The following FNDC3A variants were observed in gnomAD, a reference collection of about 807,000 sequenced individuals.
FNDC3A encodes fibronectin type III domain containing 3A.
Under a neutral mutation model 148.9 loss-of-function variants are expected in FNDC3A, and 32 were observed. The ratio of observed to expected loss-of-function variants is 0.21; its 90% CI spans 0.16 to 0.29. FNDC3A has a LOEUF of 0.29. FNDC3A is among the 10% of genes least tolerant of loss of function. FNDC3A has a pLI of 1.00. For missense variants in FNDC3A, 1,191 were observed against 1,452.8 expected (o/e 0.82, Z 2.93); for synonymous variants, 472 against 473.6 (o/e 1.00, Z 0.04).
At chr13:49,058,176 C>T (rs1005071657) in intron 2 of FNDC3A, among the ~76,000 whole-genome samples, 1 of 152,046 alleles carries the variant, frequency 6.6e-6, no homozygotes, top group Non-Finnish European at 1.5e-5. Flanking sequence ...CCCGAGTGAG[C>T]AATTCCTGTC....
intron 19 of FNDC3A, among the ~76,000 whole-genome samples, chr13:49,194,258 A>G (rs1156383269): frequency 6.6e-6 from 1 of 152,178 alleles, no homozygotes; most frequent in Non-Finnish European, 1.5e-5. Context: ...CTTTTTCTCA[A>G]AAAAATAATA....
At chr13:49,038,170 A>G (rs757062122) in intron 2 of FNDC3A, among the ~76,000 whole-genome samples, 7 of 152,074 alleles carry the variant, frequency 4.6e-5, no homozygotes, top group Non-Finnish European at 7.4e-5. Context: ...TTGTCTGCTC[A>G]TCTCCTTCTG....
At chr13:48,986,556 C>G (rs934550619) in intron 1 of FNDC3A, among the ~76,000 whole-genome samples, 1 of 151,768 alleles carries the variant, frequency 6.6e-6, no homozygotes, top group African/African-American at 2.4e-5. Context: ...CCACCACACC[C>G]GGCTAATTTT....
intron 1 of FNDC3A, among the ~76,000 whole-genome samples, chr13:48,989,022 A>G (rs1416146646): frequency 6.6e-6 from 1 of 152,332 alleles, no homozygotes; most frequent in South Asian, 2.1e-4. Context: ...CCAAGCTCAC[A>G]CAGGGCCAGA....
At chr13:48,999,529 T>A (rs1249436527) in intron 1 of FNDC3A, among the ~76,000 whole-genome samples, 1 of 152,094 alleles carries the variant, frequency 6.6e-6, no homozygotes, top group Non-Finnish European at 1.5e-5. Context: ...GACTTTAGAG[T>A]TGATATTTCT....
chr13:49,083,281 T>C (rs927275836), intron 3 of FNDC3A, among the ~76,000 whole-genome samples: 3 of 152,178 alleles, frequency 2.0e-5, no homozygotes, highest in African/African-American at 7.2e-5. Context: ...GACTTCAGAT[T>C]CTATGCACTA....
At chr13:49,002,871 C>T (rs1317424998) in intron 1 of FNDC3A, among the ~76,000 whole-genome samples, 1 of 152,134 alleles carries the variant, frequency 6.6e-6, no homozygotes, top group African/African-American at 2.4e-5. Flanking sequence ...GTAATGGCTT[C>T]TATGAGCCGT....
intron 5 of FNDC3A, among the ~76,000 whole-genome samples, chr13:49,134,418 A>G (rs1005077416): frequency 6.6e-6 from 1 of 151,962 alleles, no homozygotes; most frequent in African/African-American, 2.4e-5. Flanking sequence ...CATTCTGTTG[A>G]TTACATTTTA....
intron 1 of FNDC3A, among the ~76,000 whole-genome samples, chr13:48,980,225 A>T (rs1321638055): frequency 6.6e-6 from 1 of 152,148 alleles, no homozygotes; most frequent in African/African-American, 2.4e-5. Context: ...CAGTGGCTTG[A>T]TTTAGAATTT....
chr13:49,105,139 A>G (rs541791531), intron 3 of FNDC3A, among the ~76,000 whole-genome samples: 3 of 152,232 alleles, frequency 2.0e-5, no homozygotes, highest in Admixed American at 6.5e-5. Context: ...GGACTGGGTA[A>G]TGCAAAATAA....
At chr13:49,042,283 T>G (rs893130037) in intron 2 of FNDC3A, among the ~76,000 whole-genome samples, 1 of 152,146 alleles carries the variant, frequency 6.6e-6, no homozygotes, top group Non-Finnish European at 1.5e-5. Flanking sequence ...GTAAGTACTT[T>G]TTTTCTTGTA....
rs1489734840 is a variant in FNDC3A at position 49,209,425 on chromosome 13, T to C, written c.*2030T>C. The C allele has an allele frequency of 3.3e-5, 5 of 152,708 alleles. No individual in the cohort carries two copies. Among genetic ancestry groups the C allele is most frequent in the Admixed American group, 2.6e-4 (4 of 15,296 alleles). 9.5% of individuals were successfully genotyped at this position (152,708 alleles called of 1,614,324 possible). Reference sequence around the variant, plus strand: ...CTCATATACTGTACATTCCAAAAACTCTAAACTTTTTAAAGATTATAGATA... The same window carrying C: ...CTCATATACTGTACATTCCAAAAACCCTAAACTTTTTAAAGATTATAGATA... On this transcript the variant is annotated 3_prime_UTR_variant, in exon 26 of 26. Transcript: ENST00000492622.
Position 49,145,848 on chromosome 13 carries a change from C to T in FNDC3A, c.890C>T (p.Thr297Ile), listed in dbSNP as rs762797019. Residue 297 changes from threonine to isoleucine, a missense_variant, in exon 8 of 26, where the codon ACA becomes ATA. Coordinates refer to ENST00000492622, the MANE Select transcript of FNDC3A (RefSeq NM_001079673.2). ...CCTTCCAGCCTCATTAATGGTGAAA[C>T]AGATGAAAGTAGTGTACCAGAGCTC... ...SPPSSLINGE[T>I]DESSVPELYG... 2 of 1,613,122 alleles carry T rather than the reference C, an allele frequency of 1.2e-6. No individual in the cohort carries two copies. Among genetic ancestry groups the T allele is most frequent in the Non-Finnish European group, 1.7e-6 (2 of 1,179,174 alleles).
chr13:49,073,793 T>C (rs900410210), intron 2 of FNDC3A, among the ~76,000 whole-genome samples: 1 of 146,400 alleles, frequency 6.8e-6, no homozygotes, highest in Non-Finnish European at 1.5e-5. Context: ...GTATATATTA[T>C]ATATATGTAT....
At chr13:49,061,986 A>G (rs753343146) in intron 2 of FNDC3A, among the ~76,000 whole-genome samples, 2 of 151,164 alleles carry the variant, frequency 1.3e-5, no homozygotes, top group African/African-American at 4.9e-5. Flanking sequence ...TAAAATCACC[A>G]TTTTACAGTC....
At chr13:49,114,305 A>G (rs1441424658) in intron 3 of FNDC3A, among the ~76,000 whole-genome samples, 3 of 152,092 alleles carry the variant, frequency 2.0e-5, no homozygotes, top group Non-Finnish European at 4.4e-5. Context: ...ACACTATTAT[A>G]AGAGTCACCT....
chr13:49,098,326 G>A (rs755825564), intron 3 of FNDC3A, among the ~76,000 whole-genome samples: 72 of 152,078 alleles, frequency 4.7e-4, no homozygotes, highest in Admixed American at 1.7e-3. Flanking sequence ...CAGGATTTGC[G>A]TCACTGATCC....
At position 49,009,502 on chromosome 13, in the gene FNDC3A, C is replaced by T. The variant is rs114517444; in HGVS notation, c.99+3213C>T. 2.2e-3 allele frequency among the ~76,000 whole-genome samples: 335 copies of T among 152,260 alleles called. 1 individual carries two copies. Among genetic ancestry groups the T allele is most frequent in the African/African-American group, 7.6e-3 (315 of 41,542 alleles). Reference sequence around the variant, plus strand: ...CTAGGAACATGATTGCTAGATTGTGCGGTAGGGCTGTGTTTAGTTTTGTGA... The same window carrying T: ...CTAGGAACATGATTGCTAGATTGTGTGGTAGGGCTGTGTTTAGTTTTGTGA... On this transcript the variant is annotated intron_variant, in intron 2 of 25. Transcript: ENST00000492622.
chr13:49,013,086 C>T (rs570484755), intron 2 of FNDC3A, among the ~76,000 whole-genome samples: 106 of 152,182 alleles, frequency 7.0e-4, no homozygotes, highest in African/African-American at 2.3e-3. Flanking sequence ...GAGGCTGAGG[C>T]AGGCAGATTG....
Sources: allele counts gnomAD v4.1 joint callset (sites outside exome capture counted in the v4.1 genomes callset), GRCh38; gene constraint gnomAD v4.1.1; transcripts MANE v1.5; gene names NCBI Gene and HGNC (gene_info 2026-07-23, HGNC 2026-07-21).